The following CNTN4 variants were observed in gnomAD, a reference collection of about 807,000 sequenced individuals.
CNTN4 encodes contactin 4.
CNTN4 carries 77 observed loss-of-function variants against 122.5 expected under a neutral mutation model. The observed-to-expected ratio is 0.63, with a 90% confidence interval of 0.52 to 0.76. The LOEUF (loss-of-function observed/expected upper bound fraction) is 0.76, where lower values mean the gene tolerates loss of function less well. Among genes scored for constraint, CNTN4 ranks in the 30% least tolerant of loss-of-function variants. CNTN4 has a pLI of 0.00. For missense variants in CNTN4, 1,256 were observed against 1,259.1 expected (o/e 1.00, Z 0.04); for synonymous variants, 512 against 447.0 (o/e 1.15, Z -1.83).
intron 4 of CNTN4, among the ~76,000 whole-genome samples, chr3:2,620,335 A>G (rs2081945658): frequency 6.6e-6 from 1 of 152,020 alleles, no homozygotes; most frequent in Non-Finnish European, 1.5e-5. Context: ...CCCTGTATCT[A>G]TGAAAATACA....
At chr3:2,462,208 G>A (rs1437767432) in intron 3 of CNTN4, among the ~76,000 whole-genome samples, 1 of 152,172 alleles carries the variant, frequency 6.6e-6, no homozygotes, top group African/African-American at 2.4e-5. Flanking sequence ...AATCAGGAAA[G>A]CAGAGAGTAG....
Position 3,018,103 on chromosome 3 carries a change from G to A in CNTN4, c.1487-7999G>A, listed in dbSNP as rs1424409111. On this transcript the variant is annotated intron_variant, in intron 14 of 24. Coordinates refer to ENST00000418658, the MANE Select transcript of CNTN4 (RefSeq NM_175607.3). ...AAAATGTAGATCCTAATGACCCAGC[G>A]GAGAATAGTAATTATAAAATTAATG... 2.0e-5 allele frequency among the ~76,000 whole-genome samples: 3 copies of A among 151,632 alleles called. No individual in the cohort carries two copies. The East Asian group carries it at 5.8e-4, about 29-fold the overall frequency.
chr3:2,892,222 G>A (rs2094050550), intron 10 of CNTN4: 1 of 152,178 alleles, frequency 6.6e-6, no homozygotes, highest in East Asian at 1.9e-4. Flanking sequence ...CTCGTTCTAT[G>A]TTCCCAGTGG....
chr3:2,852,614 GTTA>G (rs2093565740), intron 7 of CNTN4, among the ~76,000 whole-genome samples: 1 of 152,112 alleles, frequency 6.6e-6, no homozygotes, highest in Non-Finnish European at 1.5e-5. Flanking sequence ...CCTATGGTGT[GTTA>G]TTATTATCTC....
At chr3:3,027,833 A>G (rs553410807) in intron 15 of CNTN4, among the ~76,000 whole-genome samples, 1 of 152,348 alleles carries the variant, frequency 6.6e-6, no homozygotes, top group Admixed American at 6.5e-5. Flanking sequence ...AGGCAGAAAC[A>G]GGGACACCTA....
intron 3 of CNTN4, among the ~76,000 whole-genome samples, chr3:2,485,677 ACT>A (rs781669065): frequency 1.3e-5 from 2 of 151,880 alleles, no homozygotes; most frequent in Non-Finnish European, 2.9e-5. Context: ...ACCAATCAGC[ACT>A]CTCTGTCTAG....
chr3:2,810,737 C>G lies in CNTN4; in HGVS notation c.359-8749C>G, dbSNP rs543283969. ...AAAGCAACCTGATTGAATTAATTCA[C>G]TCTTCACTGAAAGTGATTAATAGCA... On this transcript the variant is annotated intron_variant, in intron 6 of 24. Transcript: ENST00000418658. 3.3e-5 allele frequency among the ~76,000 whole-genome samples: 5 copies of G among 152,350 alleles called. No homozygotes were observed. The South Asian group carries it at 1.0e-3, about 32-fold the overall frequency.
chr3:2,755,241 G>A (rs768502544), intron 6 of CNTN4, among the ~76,000 whole-genome samples: 1 of 152,084 alleles, frequency 6.6e-6, no homozygotes, highest in African/African-American at 2.4e-5. Context: ...ACTCATAACT[G>A]GCCTGACTAC....
At chr3:2,881,052 A>T (rs2150965905) in intron 8 of CNTN4, among the ~76,000 whole-genome samples, 1 of 150,118 alleles carries the variant, frequency 6.7e-6, no homozygotes, top group South Asian at 2.2e-4. Context: ...AGGAAGAAAA[A>T]TGAAAACAAG....
intron 3 of CNTN4, among the ~76,000 whole-genome samples, chr3:2,513,925 G>A (rs139806564): frequency 1.8e-4 from 28 of 152,228 alleles, no homozygotes; most frequent in Non-Finnish European, 4.0e-4. Context: ...CTATGAAAGA[G>A]AATAAAGGAA....
At chr3:2,323,650 T>G (rs1309845205) in intron 2 of CNTN4, among the ~76,000 whole-genome samples, 1 of 152,198 alleles carries the variant, frequency 6.6e-6, no homozygotes, top group Non-Finnish European at 1.5e-5. Flanking sequence ...TTTGATGCTT[T>G]CTTTTTTCCT....
intron 4 of CNTN4, among the ~76,000 whole-genome samples, chr3:2,726,983 G>GA (rs558478780): frequency 6.6e-6 from 1 of 152,076 alleles, no homozygotes; most frequent in African/African-American, 2.4e-5. Context: ...AAACTGCTCT[G>GA]AAAAAATAAA....
chr3:2,368,121 C>T (rs1467772867), intron 3 of CNTN4, among the ~76,000 whole-genome samples: 3 of 150,534 alleles, frequency 2.0e-5, no homozygotes, highest in African/African-American at 7.4e-5. Context: ...CAAGCTCTGC[C>T]TCCTGGGTTC....
intron 3 of CNTN4, among the ~76,000 whole-genome samples, chr3:2,545,199 A>T (rs77137665): frequency 0.087 from 13,180 of 151,810 alleles, 753 homozygotes; most frequent in Non-Finnish European, 0.13. Flanking sequence ...TTTTCTTAGG[A>T]TTGATTTCTA....
intron 2 of CNTN4, among the ~76,000 whole-genome samples, chr3:2,177,216 G>C (rs2036786609): frequency 6.6e-6 from 1 of 152,050 alleles, no homozygotes; most frequent in Non-Finnish European, 1.5e-5. Context: ...CAAATGTAGA[G>C]GTAAGAATAT....
In CNTN4 at chr3:2,798,532, CA is replaced by C. The variant is rs2092267293; in HGVS notation, c.359-20953del. Among the ~76,000 whole-genome samples, 7 of 152,118 alleles carry C rather than the reference CA, an allele frequency of 4.6e-5. No individual in the cohort carries two copies. In the South Asian group the frequency reaches 1.5e-3, roughly 32 times the overall value. On this transcript the variant is annotated intron_variant, in intron 6 of 24. Coordinates refer to ENST00000418658, the MANE Select transcript of CNTN4 (RefSeq NM_175607.3). ...GTATCTTTTTCTTTTCTTTTTGAGA[CA>C]GGGTCACACTCTGTCACCCAGGATG...
At chr3:2,365,526 A>T (rs911485003) in intron 3 of CNTN4, among the ~76,000 whole-genome samples, 1 of 152,174 alleles carries the variant, frequency 6.6e-6, no homozygotes, top group Non-Finnish European at 1.5e-5. Context: ...AGGAACAAGG[A>T]ATTGGGGGAA....
chr3:2,438,343 G>A (rs1209071136), intron 3 of CNTN4, among the ~76,000 whole-genome samples: 1 of 152,152 alleles, frequency 6.6e-6, no homozygotes, highest in Non-Finnish European at 1.5e-5. Context: ...CCAACGTGGT[G>A]AAACCCCATC....
intron 2 of CNTN4, among the ~76,000 whole-genome samples, chr3:2,151,537 C>T (rs568073768): frequency 4.1e-4 from 62 of 152,318 alleles, no homozygotes; most frequent in African/African-American, 1.4e-3. Context: ...CGTCAGCCAA[C>T]ATATTTGCAA....
Sources: gnomAD v4.1 joint callset for allele counts (sites outside exome capture counted in the v4.1 genomes callset) on GRCh38, gnomAD v4.1.1 for gene constraint, MANE v1.5 for transcripts, NCBI Gene and HGNC (gene_info 2026-07-23, HGNC 2026-07-21) for gene names.